HNF1A: variants seen among roughly 807,000 people sequenced by gnomAD.
HNF1A encodes the protein HNF1 homeobox A.
Under a neutral mutation model 62.2 loss-of-function variants are expected in HNF1A, and 21 were observed. The observed-to-expected ratio is 0.34, with a 90% CI of 0.24 to 0.49. The LOEUF (loss-of-function observed/expected upper bound fraction) is 0.49. Among genes scored for constraint, HNF1A ranks in the 20% least tolerant of loss-of-function variants. HNF1A has a pLI of 0.99. For synonymous variants in HNF1A, 374 were observed against 366.8 expected (o/e 1.02, Z -0.22); for missense variants, 687 against 832.3 (o/e 0.83, Z 2.15).
In HNF1A at chr12:120,996,976, C is replaced by A. The variant is rs551492562; in HGVS notation, c.1309+234C>A. ...AGGCACTAAGCATAATACATCAATTCTGTGGTACCTCAGAAGGTGAAGGGT... is the reference window on the plus strand; with the variant it reads ...AGGCACTAAGCATAATACATCAATTATGTGGTACCTCAGAAGGTGAAGGGT... On this transcript the variant is annotated intron_variant, in intron 6 of 9. Coordinates refer to ENST00000257555, the MANE Select transcript of HNF1A (RefSeq NM_000545.8). This position sits in a 1 kb window ranked among gnomAD's most constrained non-coding sequence, Gnocchi z 4.5. The A allele has an allele frequency of 2.7e-6, 4 of 1,506,562 alleles. No individual in the cohort carries two copies. In the African/African-American group the frequency reaches 5.5e-5, roughly 21 times the overall value. The allele number at this position is 1,506,562 out of a possible 1,614,324, so 93.3% of individuals were successfully genotyped here.
intron 1 of HNF1A, among the ~76,000 whole-genome samples, chr12:120,983,469 G>T (rs1418424629): frequency 1.3e-5 from 2 of 152,100 alleles, no homozygotes; most frequent in African/African-American, 4.8e-5. Context: ...ACCCACATTG[G>T]TTTGACTCTC....
intron 2 of HNF1A, among the ~76,000 whole-genome samples, chr12:120,993,143 T>C (rs2135838333): frequency 6.6e-6 from 1 of 152,324 alleles, no homozygotes; most frequent in South Asian, 2.1e-4. Flanking sequence ...ACTGCGTGAC[T>C]CTGGAAAAAT....
At chr12:120,982,065 T>TTTG (rs918278408) in intron 1 of HNF1A, among the ~76,000 whole-genome samples, 1 of 151,798 alleles carries the variant, frequency 6.6e-6, no homozygotes, top group South Asian at 2.1e-4. Flanking sequence ...GTGTTTCTTT[T>TTTG]TTGTTGTTGT....
chr12:120,987,158 C>G (rs1050604892), intron 1 of HNF1A, among the ~76,000 whole-genome samples: 16 of 152,054 alleles, frequency 1.1e-4, no homozygotes, highest in Admixed American at 2.0e-4. Flanking sequence ...GAATGTCAAC[C>G]CTGTCACCTG....
intron 9 of HNF1A, 195 bp from the exon 10 acceptor site, chr12:121,000,870 T>C: frequency 2.9e-6 from 2 of 686,074 alleles, no homozygotes; most frequent in Non-Finnish European, 5.1e-6. Flanking sequence ...GGCCACTCCA[T>C]GGGCGGCCGT....
chr12:120,999,672 C>G, intron 9 of HNF1A, 45 bp downstream of exon 9: 1 of 1,585,360 alleles, frequency 6.3e-7, no homozygotes, highest in Non-Finnish European at 8.5e-7. Context: ...TCCCTGCCCC[C>G]TTCCATGTTG....
At chr12:120,999,740 G>C (rs2135851970) in intron 9 of HNF1A, 113 bp downstream of exon 9, 1 of 1,362,010 alleles carries the variant, frequency 7.3e-7, no homozygotes, top group South Asian at 1.5e-5. Flanking sequence ...GCAGGCCTAG[G>C]GCTGCTGTGA....
intron 9 of HNF1A, among the ~76,000 whole-genome samples, chr12:121,000,086 G>A (rs1349877640): frequency 6.6e-6 from 1 of 152,156 alleles, no homozygotes; most frequent in Admixed American, 6.5e-5. Flanking sequence ...ATATAACAGT[G>A]CACCAGGCCT....
Position 120,999,394 on chromosome 12 carries a change from G to T in HNF1A, c.1623+5G>T. ...AGCCTCACGCCCACCAAGCAGGTAA[G>T]GTCCAGGCCTGCTGGCCCTCCCTTG... On this transcript the variant is annotated splice_donor_5th_base_variant and intron_variant, in intron 8 of 9. Coordinates refer to ENST00000257555, the MANE Select transcript of HNF1A (RefSeq NM_000545.8). The T allele has an allele frequency of 6.2e-7, 1 of 1,613,880 alleles. No homozygotes were observed. The highest frequency in any genetic ancestry group is 8.5e-7 in the Non-Finnish European group (1 of 1,179,942).
rs2135856449 is a variant in HNF1A, at chr12:121,001,930, T to C, written c.*738T>C. 1.9e-6 allele frequency: 1 copy of C among 522,434 alleles called. No homozygotes were observed. The highest frequency in any genetic ancestry group is 1.6e-5 in the South Asian group (1 of 63,122). 32.4% of individuals were successfully genotyped at this position (522,434 alleles called of 1,614,324 possible). On this transcript the variant is annotated 3_prime_UTR_variant, in exon 10 of 10. Transcript: ENST00000257555. Reference sequence around the variant, plus strand: ...TTTGTTCCCAAGAGCATCATGCCTCTGAGGCCAGCCTGGCCTCCTGCCTCT... The same window carrying C: ...TTTGTTCCCAAGAGCATCATGCCTCCGAGGCCAGCCTGGCCTCCTGCCTCT...
At chr12:120,985,516 A>C (rs1373135867) in intron 1 of HNF1A, among the ~76,000 whole-genome samples, 1 of 148,792 alleles carries the variant, frequency 6.7e-6, no homozygotes, top group Non-Finnish European at 1.5e-5. Flanking sequence ...AAGAAAAAGT[A>C]CAAAAATTAG....
chr12:120,997,608 A>G lies in HNF1A; in HGVS notation c.1444A>G (p.Ser482Gly), dbSNP rs2135847983. The stretch of plus-strand genomic sequence containing the variant: ...GCAGCCGCTCATGCCACCTGTGCAG[A>G]GCCATGTGACCCAGAGCCCCTTCAT... The part of the protein sequence containing the change: ...YQQPLMPPVQ[S>G]HVTQSPFMAT... Residue 482 changes from serine (S) to glycine (G), a missense_variant, in exon 7 of 10, where the codon AGC (serine) becomes GGC (glycine). Coordinates refer to ENST00000257555, the MANE Select transcript of HNF1A (RefSeq NM_000545.8). 6.2e-7 allele frequency: 1 copy of G among 1,613,732 alleles called. No homozygotes were observed. The highest frequency in any genetic ancestry group is 8.5e-7 in the Non-Finnish European group (1 of 1,179,902).
At chr12:120,988,414 G>A (rs1274521781) in intron 1 of HNF1A, among the ~76,000 whole-genome samples, 13 of 133,538 alleles carry the variant, frequency 9.7e-5, no homozygotes, top group African/African-American at 2.0e-4. Flanking sequence ...CCACCCATTC[G>A]CCCATCCATC....
rs1439874755 is a variant in HNF1A, at chr12:120,996,534, CT to C, written c.1108-6del. 1 of 1,613,346 alleles carries C rather than the reference CT, an allele frequency of 6.2e-7. No individual in the cohort carries two copies. Among genetic ancestry groups the C allele is most frequent in the Non-Finnish European group, 8.5e-7 (1 of 1,179,910 alleles). ...CCCCCCGGACACAGCTTGGCTTCCC[CT>C]CGTAGGTCTCAGCAGCTGGGGGCCC... On this transcript the variant is annotated splice_polypyrimidine_tract_variant and splice_region_variant and intron_variant, in intron 5 of 9. Coordinates refer to ENST00000257555, the MANE Select transcript of HNF1A (RefSeq NM_000545.8). The surrounding 1 kb of genome is among the most constrained non-coding windows in gnomAD (Gnocchi z 4.5).
intron 9 of HNF1A, 98 bp downstream of exon 9, chr12:120,999,725 A>G: frequency 6.9e-7 from 1 of 1,448,142 alleles, no homozygotes; most frequent in Non-Finnish European, 9.2e-7. Flanking sequence ...GGGGCTGTGC[A>G]TGCAGCAGGC....
intron 9 of HNF1A, 141 bp from the exon 10 acceptor site, chr12:121,000,924 G>A (rs887416848): frequency 3.4e-6 from 4 of 1,182,854 alleles, no homozygotes; most frequent in Non-Finnish European, 4.9e-6. Context: ...GAGGGTAGAG[G>A]TGTGACTTTG....
In HNF1A at chr12:120,993,516, G is replaced by A. The variant is rs1284534758; in HGVS notation, c.527-4G>A. 1 of 1,613,852 alleles carries A rather than the reference G, an allele frequency of 6.2e-7. No individual in the cohort carries two copies. The highest frequency in any genetic ancestry group is 8.5e-7 in the Non-Finnish European group (1 of 1,179,926). ...ACCCCACTCACGGCTTTCTGTGCCT[G>A]CAGAGTTCACCCATGCAGGGCAGGG... is the stretch of plus-strand genomic sequence containing the variant. On this transcript the variant is annotated splice_polypyrimidine_tract_variant and splice_region_variant and intron_variant, in intron 2 of 9. Coordinates refer to ENST00000257555, the MANE Select transcript of HNF1A (RefSeq NM_000545.8).
rs1376015093 is a variant in HNF1A at position 121,002,243 on chromosome 12, T to C, written c.*1051T>C. 4.5e-6 allele frequency: 2 copies of C among 440,346 alleles called. No individual in the cohort carries two copies. The highest frequency in any genetic ancestry group is 8.7e-6 in the Non-Finnish European group (2 of 230,952). 27.3% of individuals were successfully genotyped at this position (440,346 alleles called of 1,614,324 possible). ...ACTAACACTCAGAAGCCTGGGGGCC[T>C]GGCTGGCTGAGGGCAGTTCGCAGCC... is the stretch of plus-strand genomic sequence containing the variant. On this transcript the variant is annotated 3_prime_UTR_variant, in exon 10 of 10. Coordinates refer to ENST00000257555, the MANE Select transcript of HNF1A (RefSeq NM_000545.8).
intron 2 of HNF1A, among the ~76,000 whole-genome samples, chr12:120,989,941 G>C (rs895505837): frequency 6.6e-6 from 1 of 152,060 alleles, no homozygotes; most frequent in East Asian, 1.9e-4. Context: ...TAAAGGCTCA[G>C]AGGCAAGGTC....
Sources: gnomAD v4.1 joint callset for allele counts (sites outside exome capture counted in the v4.1 genomes callset) on GRCh38, gnomAD v4.1.1 for gene constraint, Gnocchi (gnomAD v3.1) non-coding constraint, MANE v1.5 for transcripts, NCBI Gene and HGNC (gene_info 2026-07-23, HGNC 2026-07-21) for gene names.